The following ZFHX3 variants were observed in gnomAD, a reference collection of about 807,000 sequenced individuals.
The protein encoded by ZFHX3 is zinc finger homeobox protein 3.
Under a neutral mutation model 279.1 loss-of-function variants are expected in ZFHX3, and 42 were observed. The observed-to-expected ratio is 0.15, with a 90% CI of 0.12 to 0.19. ZFHX3 has a LOEUF of 0.19. ZFHX3 is among the 10% of genes least tolerant of loss of function. The probability of loss-of-function intolerance (pLI) is 1.00; values close to 1 mark genes in which losing one functional copy is unlikely to be tolerated. For missense variants in ZFHX3, 4,981 were observed against 4,754.0 expected (o/e 1.05, Z -1.40); for synonymous variants, 2,293 against 1,957.8 (o/e 1.17, Z -4.52).
chr16:73,378,635 G>A (rs1567465881), intron 3 of ZFHX3, among the ~76,000 whole-genome samples: 2 of 152,198 alleles, frequency 1.3e-5, no homozygotes, highest in Non-Finnish European at 2.9e-5. Context: ...ACCAGAGGTT[G>A]ATCTGCACCA....
intron 5 of ZFHX3, among the ~76,000 whole-genome samples, chr16:73,180,795 T>C (rs1382488531): frequency 6.6e-6 from 1 of 151,956 alleles, no homozygotes; most frequent in Non-Finnish European, 1.5e-5. Context: ...CCTGAGTAGC[T>C]GGGATTACAG....
intron 1 of ZFHX3, chr16:73,891,615 AGAG>A (rs1434600654): frequency 6.6e-6 from 1 of 152,290 alleles, no homozygotes; most frequent in Non-Finnish European, 1.5e-5. Context: ...AAGGAAGAAA[AGAG>A]AAGAAAAGAA....
chr16:73,712,586 GA>G (rs1180224569), intron 1 of ZFHX3, among the ~76,000 whole-genome samples: 5 of 152,180 alleles, frequency 3.3e-5, no homozygotes, highest in Non-Finnish European at 7.3e-5. Context: ...TTGAGCATGG[GA>G]ATCTGGTGGC....
intron 5 of ZFHX3, among the ~76,000 whole-genome samples, chr16:73,161,265 C>G (rs569422523): frequency 2.1e-4 from 32 of 152,276 alleles, no homozygotes; most frequent in African/African-American, 7.5e-4. Context: ...TGAGCCACCG[C>G]CCTGCCCACA....
chr16:73,745,090 A>C (rs1029705167), intron 1 of ZFHX3, among the ~76,000 whole-genome samples: 2 of 152,222 alleles, frequency 1.3e-5, no homozygotes, highest in African/African-American at 4.8e-5. Flanking sequence ...TGTCCAAAAA[A>C]GCAATAATGT....
chr16:72,798,057 G>C lies in ZFHX3; in HGVS notation c.4625C>G (p.Ser1542Cys). The C allele has an allele frequency of 6.2e-7, 1 of 1,614,206 alleles. No homozygotes were observed. Among genetic ancestry groups the C allele is most frequent in the South Asian group, 1.1e-5 (1 of 91,080 alleles). The change falls in exon 9 of 10, where the codon TCT becomes TGT. Residue 1542 changes from serine to cysteine, a missense_variant. Physicochemically the swap from Ser to Cys is moderately radical, Grantham distance 112. This residue lies in a region of ZFHX3 where 1,751 missense variants were observed against 1,770.0 expected (regional missense o/e 0.99). Coordinates refer to ENST00000268489, the MANE Select transcript of ZFHX3 (RefSeq NM_006885.4). ...NFTMEKFLDPSRPYKCTVCKE... is the reference protein window; with the variant it reads ...NFTMEKFLDPCRPYKCTVCKE... ...GCAGACGGTACACTTGTAAGGGCGA[G>C]AAGGGTCTAGGAACTTTTCCATAGT...
At chr16:73,872,378 A>G (rs913456670) in intron 1 of ZFHX3, among the ~76,000 whole-genome samples, 1 of 151,834 alleles carries the variant, frequency 6.6e-6, no homozygotes, top group Non-Finnish European at 1.5e-5. Flanking sequence ...GGTGCCTGCC[A>G]CCATGCCCAG....
intron 1 of ZFHX3, among the ~76,000 whole-genome samples, chr16:73,038,590 A>G (rs961279478): frequency 6.6e-6 from 1 of 152,126 alleles, no homozygotes; most frequent in African/African-American, 2.4e-5. Flanking sequence ...GTTGCTGAAA[A>G]TATCTGTTTT....
At chr16:73,854,652 G>T (rs1359189747) in intron 1 of ZFHX3, among the ~76,000 whole-genome samples, 1 of 91,130 alleles carries the variant, frequency 1.1e-5, no homozygotes, top group South Asian at 3.3e-4. Context: ...TGGTTAAATA[G>T]AAAAAAAACA....
intron 5 of ZFHX3, among the ~76,000 whole-genome samples, chr16:73,162,886 T>C (rs950022799): frequency 2.6e-5 from 4 of 152,240 alleles, no homozygotes; most frequent in African/African-American, 9.6e-5. Context: ...ATGGTGGTCA[T>C]CTGTGAATTC....
At chr16:73,002,852 A>G (rs1694871510) in intron 1 of ZFHX3, among the ~76,000 whole-genome samples, 2 of 152,176 alleles carry the variant, frequency 1.3e-5, no homozygotes, top group South Asian at 4.1e-4. Context: ...TTAAGCACAT[A>G]TTTTCTTCTC....
intron 3 of ZFHX3, among the ~76,000 whole-genome samples, chr16:72,921,805 A>G (rs1422505863): frequency 6.6e-6 from 1 of 152,230 alleles, no homozygotes; most frequent in Admixed American, 6.5e-5. Context: ...GTCCTGAGCC[A>G]GGAGGAGACA....
At chr16:73,566,309 A>T (rs1343989738) in intron 2 of ZFHX3, among the ~76,000 whole-genome samples, 1 of 152,222 alleles carries the variant, frequency 6.6e-6, no homozygotes, top group African/African-American at 2.4e-5. Flanking sequence ...AATGGGTGGT[A>T]CATTTCTGGC....
At chr16:73,339,054 T>A (rs948453107) in intron 3 of ZFHX3, among the ~76,000 whole-genome samples, 17 of 152,234 alleles carry the variant, frequency 1.1e-4, no homozygotes, top group African/African-American at 3.9e-4. Flanking sequence ...ATGTACAGCC[T>A]GCAGAACTGT....
At chr16:73,727,434 C>T (rs1482029613) in intron 1 of ZFHX3, among the ~76,000 whole-genome samples, 3 of 152,228 alleles carry the variant, frequency 2.0e-5, no homozygotes, top group East Asian at 1.9e-4. Context: ...TTTCATTAAC[C>T]CAACATCTAC....
At chr16:72,988,598 A>C (rs11862771) in intron 1 of ZFHX3, among the ~76,000 whole-genome samples, 78,951 of 151,600 alleles carry the variant, frequency 0.52, 20,811 homozygotes, top group East Asian at 0.59. Flanking sequence ...CCTGATTGGA[A>C]TTCAATTGCA....
At chr16:73,759,921 A>G (rs2053845986) in intron 1 of ZFHX3, among the ~76,000 whole-genome samples, 1 of 151,620 alleles carries the variant, frequency 6.6e-6, no homozygotes, top group Non-Finnish European at 1.5e-5. Context: ...CAGAGCTATC[A>G]GAAGACAAGA....
At chr16:73,564,551 C>G (rs1438831578) in intron 2 of ZFHX3, among the ~76,000 whole-genome samples, 4 of 152,192 alleles carry the variant, frequency 2.6e-5, no homozygotes, top group Admixed American at 6.5e-5. Context: ...TTGACTGCCT[C>G]TCTTCCACCC....
intron 4 of ZFHX3, among the ~76,000 whole-genome samples, chr16:73,301,653 G>A (rs148498393): frequency 2.0e-5 from 3 of 152,140 alleles, no homozygotes; most frequent in Non-Finnish European, 2.9e-5. Flanking sequence ...ACAAGGTCCC[G>A]ATACCAAGAA....
Sources: allele counts gnomAD v4.1 joint callset (sites outside exome capture counted in the v4.1 genomes callset), GRCh38; gene constraint gnomAD v4.1.1; regional missense constraint gnomAD v4.1.1; transcripts MANE v1.5; gene names NCBI Gene and HGNC (gene_info 2026-07-23, HGNC 2026-07-21).